Variants in PROB1 observed in about 807,000 individuals in gnomAD.
PROB1 encodes the protein proline rich basic protein 1, also known as proline-rich basic protein 1.
For missense variants in PROB1, 1,453 were observed against 1,485.7 expected (o/e 0.98, Z 0.36); for synonymous variants, 660 against 699.3 (o/e 0.94, Z 0.89).
At position 139,393,436 on chromosome 5, in the gene PROB1, G is replaced by A; in HGVS notation, c.1646C>T (p.Pro549Leu). Reference protein sequence around the residue: ...NGLTQEELAPPTPSAPGTPEP... With the variant: ...NGLTQEELAPLTPSAPGTPEP... ...TGGAGTGCCGGGTGCGGACGGTGTA[G>A]GCGGTGCCAACTCCTCCTGAGTTAA... Residue 549 changes from proline to leucine, a missense_variant, in exon 1 of 1, where the codon CCT becomes CTT. Coordinates refer to ENST00000434752, the MANE Select transcript of PROB1 (RefSeq NM_001161546.2). 1 of 1,551,696 alleles carries A rather than the reference G, an allele frequency of 6.4e-7. No individual in the cohort carries two copies. The highest frequency in any genetic ancestry group is 8.7e-7 in the Non-Finnish European group (1 of 1,147,000).
Position 139,393,361 on chromosome 5 carries a change from G to T in PROB1, c.1721C>A (p.Ala574Asp). 1.3e-6 allele frequency: 2 copies of T among 1,551,498 alleles called. No homozygotes were observed. Among genetic ancestry groups the T allele is most frequent in the Non-Finnish European group, 1.7e-6 (2 of 1,146,986 alleles). ...SPSTREISDL[A>D]FGGSQQSPEV... The stretch of plus-strand genomic sequence containing the variant: ...TGGGGACTGCTGACTCCCTCCAAAG[G>T]CAAGATCTGAAATTTCCCGCGTGGA... Residue 574 changes from alanine to aspartate, a missense_variant, in exon 1 of 1, where the codon GCC (alanine) becomes GAC (aspartate). Physicochemically the swap from Ala to Asp is moderately radical, Grantham distance 126. Coordinates refer to ENST00000434752, the MANE Select transcript of PROB1 (RefSeq NM_001161546.2).
Position 139,394,512 on chromosome 5 carries a change from C to G in PROB1, c.570G>C (p.Glu190Asp). The G allele has an allele frequency of 6.9e-7, 1 of 1,448,490 alleles. No homozygotes were observed. Among genetic ancestry groups the G allele is most frequent in the South Asian group, 1.4e-5 (1 of 70,084 alleles). 89.7% of individuals were successfully genotyped at this position (1,448,490 alleles called of 1,614,324 possible). ...GCGCGGCGCCCTCCTCCAGAGCCAC[C>G]TCCACACACTCGAACTGCGCTGGGG... ...PAAPAQFECV[E>D]VALEEGAAPA... Residue 190 changes from glutamate (E) to aspartate (D), a missense_variant, in exon 1 of 1, where the codon GAG (glutamate) becomes GAC (aspartate). Physicochemically the swap from Glu to Asp is conservative, Grantham distance 45. Coordinates refer to ENST00000434752, the MANE Select transcript of PROB1 (RefSeq NM_001161546.2).
At position 139,392,971 on chromosome 5, in the gene PROB1, G is replaced by C; in HGVS notation, c.2111C>G (p.Thr704Arg). 1 of 1,504,540 alleles carries C rather than the reference G, an allele frequency of 6.6e-7. No homozygotes were observed. Among genetic ancestry groups the C allele is most frequent in the Non-Finnish European group, 8.9e-7 (1 of 1,123,052 alleles). 93.2% of individuals were successfully genotyped at this position (1,504,540 alleles called of 1,614,324 possible). Residue 704 changes from threonine to arginine, a missense_variant, in exon 1 of 1, where the codon ACG (threonine) becomes AGG (arginine). By Grantham distance (71) the Thr-to-Arg change is moderately conservative. Transcript: ENST00000434752. The surrounding 1 kb of genome is among the most constrained non-coding windows in gnomAD (Gnocchi z 5.8). ...GGGCTGTGAGGCGTCCCGGGCGACC[G>C]TGTCGAAGGACGGTTCAGGAGGCTC... ...PYEPPEPSFDTVARDASQPNG... is the reference protein window; with the variant it reads ...PYEPPEPSFDRVARDASQPNG...
chr5:139,394,748 C>T lies in PROB1; in HGVS notation c.334G>A (p.Glu112Lys). 1 of 1,534,076 alleles carries T rather than the reference C, an allele frequency of 6.5e-7. No homozygotes were observed. Among genetic ancestry groups the T allele is most frequent in the Non-Finnish European group, 8.7e-7 (1 of 1,143,506 alleles). ...AGGGGTCCGACGCCGAAGATGACTTCCATCTCCCCCGACGGCAGCGTGCGC... is the reference window on the plus strand; with the variant it reads ...AGGGGTCCGACGCCGAAGATGACTTTCATCTCCCCCGACGGCAGCGTGCGC... Reference protein sequence around the residue: ...QLRTLPSGEMEVIFGVGPLFG... With the variant: ...QLRTLPSGEMKVIFGVGPLFG... Residue 112 changes from glutamate (E) to lysine (K), a missense_variant, in exon 1 of 1, where the codon GAA becomes AAA. Glu to Lys is a moderately conservative substitution (Grantham distance 56). Transcript: ENST00000434752.
chr5:139,392,121 G>A lies in PROB1; in HGVS notation c.2961C>T (p.Pro987=). ...GTYYLPVSGT[P]NPAPPLLLCA... is the part of the protein sequence containing the mutation. ...AGAGGAGCAGAGGAGGTGCGGGGTT[G>A]GGGGTCCCGCTCACCGGCAGGTAGT... Residue 987 remains proline (P), a synonymous_variant, in exon 1 of 1, where the codon CCC becomes CCT. Transcript: ENST00000434752. This position sits in a 1 kb window ranked among gnomAD's most constrained non-coding sequence, Gnocchi z 5.8. The A allele has an allele frequency of 7.1e-7, 1 of 1,412,568 alleles. No individual in the cohort carries two copies. Among genetic ancestry groups the A allele is most frequent in the Non-Finnish European group, 9.3e-7 (1 of 1,079,080 alleles). The allele number at this position is 1,412,568 out of a possible 1,614,324, so 87.5% of individuals were successfully genotyped here. A position where few individuals can be genotyped will look rare whatever the true frequency, so the allele number is the denominator to read the frequency against.
Position 139,394,096 on chromosome 5 carries a change from G to C in PROB1, c.986C>G (p.Ala329Gly). 5 of 1,549,860 alleles carry C rather than the reference G, an allele frequency of 3.2e-6. No individual in the cohort carries two copies. Among genetic ancestry groups the C allele is most frequent in the Non-Finnish European group, 4.4e-6 (5 of 1,146,456 alleles). The change falls in exon 1 of 1, where the codon GCG becomes GGG. Residue 329 changes from alanine to glycine, a missense_variant. By Grantham distance (60) the Ala-to-Gly change is moderately conservative (BLOSUM62 0). Transcript: ENST00000434752. ...AGGACCCAGCGGCTCCGTCCCGGGC[G>C]CAGGCTTGTCGCGCCGAATCGCGCG... ...RERAIRRDKP[A>G]PGTEPLGPVS...
rs1330866400 is a variant in PROB1 at position 139,394,874 on chromosome 5, G to T, written c.208C>A (p.Arg70Ser). The T allele has an allele frequency of 3.3e-6, 5 of 1,521,454 alleles. No homozygotes were observed. In the East Asian group the frequency reaches 1.3e-4, roughly 40 times the overall value. The allele number at this position is 1,521,454 out of a possible 1,614,324, so 94.2% of individuals were successfully genotyped here. A position where few individuals can be genotyped will look rare whatever the true frequency, so the allele number is the denominator to read the frequency against. The change falls in exon 1 of 1, where the codon CGC (arginine) becomes AGC (serine). Residue 70 changes from arginine to serine, a missense_variant. Physicochemically the swap from Arg to Ser is moderately radical, Grantham distance 110 (BLOSUM62 -1). Transcript: ENST00000434752. ...APGRGAGAQP[R>S]LSVSAQNSRQ... ...CTATTCTGGGCGCTGACGGACAGGC[G>T]AGGCTGCGCGCCCGCCCCCCGCCCA...
Position 139,394,392 on chromosome 5 carries a change from C to T in PROB1, c.690G>A (p.Leu230=). The part of the protein sequence containing the change: ...PRAAGAPRPR[L]LLRTGSLDES... ...CGTCCAGGGAACCGGTGCGCAGGAGCAGCCGGGGGCGCGGCGCGCCGGCCG... is the reference window on the plus strand; with the variant it reads ...CGTCCAGGGAACCGGTGCGCAGGAGTAGCCGGGGGCGCGGCGCGCCGGCCG... The change falls in exon 1 of 1, where the codon CTG becomes CTA. Residue 230 remains leucine (L), a synonymous_variant. Transcript: ENST00000434752. 7.2e-7 allele frequency: 1 copy of T among 1,393,138 alleles called. No individual in the cohort carries two copies. Among genetic ancestry groups the T allele is most frequent in the Non-Finnish European group, 9.2e-7 (1 of 1,081,956 alleles). 86.3% of individuals were successfully genotyped at this position (1,393,138 alleles called of 1,614,324 possible).
In PROB1 at chr5:139,392,935, A is replaced by T. The variant is rs1254774172; in HGVS notation, c.2147T>A (p.Leu716Gln). ...ARDASQPNGV[L>Q]RRRAENSTAK... ...CGTGCTGTTCTCTGCCCTCCGCCGC[A>T]GGACCCCGTTGGGCTGTGAGGCGTC... Residue 716 changes from leucine to glutamine, a missense_variant, in exon 1 of 1, where the codon CTG (leucine) becomes CAG (glutamine). Physicochemically the swap from Leu to Gln is moderately radical, Grantham distance 113 (BLOSUM62 -2). Transcript: ENST00000434752. The surrounding 1 kb of genome is among the most constrained non-coding windows in gnomAD (Gnocchi z 5.8). 1 of 1,522,364 alleles carries T rather than the reference A, an allele frequency of 6.6e-7. No individual in the cohort carries two copies. The highest frequency in any genetic ancestry group is 8.8e-7 in the Non-Finnish European group (1 of 1,130,532). 94.3% of individuals were successfully genotyped at this position (1,522,364 alleles called of 1,614,324 possible). A position where few individuals can be genotyped will look rare whatever the true frequency, so the allele number is the denominator to read the frequency against.
rs1318406713 is a variant in PROB1, at chr5:139,392,939, C to A, written c.2143G>T (p.Val715Phe). The A allele has an allele frequency of 6.6e-7, 1 of 1,516,432 alleles. No individual in the cohort carries two copies. Among genetic ancestry groups the A allele is most frequent in the Admixed American group, 2.2e-5 (1 of 45,550 alleles). 93.9% of individuals were successfully genotyped at this position (1,516,432 alleles called of 1,614,324 possible). ...CTGTTCTCTGCCCTCCGCCGCAGGA[C>A]CCCGTTGGGCTGTGAGGCGTCCCGG... is the stretch of plus-strand genomic sequence containing the variant. ...VARDASQPNG[V>F]LRRRAENSTA... Residue 715 changes from valine (V) to phenylalanine (F), a missense_variant, in exon 1 of 1, where the codon GTC becomes TTC. Transcript: ENST00000434752. The surrounding 1 kb of genome is among the most constrained non-coding windows in gnomAD (Gnocchi z 5.8).
Position 139,393,108 on chromosome 5 carries a change from C to G in PROB1, c.1974G>C (p.Glu658Asp), listed in dbSNP as rs898338915. ...LPAPPADPCG[E>D]EGGESKTQEP... ...CTTGCGTCTTGGATTCGCCGCCCTC[C>G]TCCCCGCAGGGGTCGGCAGGAGGCG... The change falls in exon 1 of 1, where the codon GAG (glutamate) becomes GAC (aspartate). Residue 658 changes from glutamate (E) to aspartate (D), a missense_variant. By Grantham distance (45) the Glu-to-Asp change is conservative. Transcript: ENST00000434752. 6.6e-7 allele frequency: 1 copy of G among 1,523,832 alleles called. No individual in the cohort carries two copies. Among genetic ancestry groups the G allele is most frequent in the African/African-American group, 1.4e-5 (1 of 72,070 alleles). 94.4% of individuals were successfully genotyped at this position (1,523,832 alleles called of 1,614,324 possible). A position where few individuals can be genotyped will look rare whatever the true frequency, so the allele number is the denominator to read the frequency against.
Position 139,392,756 on chromosome 5 carries a change from T to C in PROB1, c.2326A>G (p.Thr776Ala). Residue 776 changes from threonine to alanine, a missense_variant, in exon 1 of 1, where the codon ACC becomes GCC. Thr to Ala is a moderately conservative substitution (Grantham distance 58). Transcript: ENST00000434752. This position sits in a 1 kb window ranked among gnomAD's most constrained non-coding sequence, Gnocchi z 5.8. ...CTGCGGGCGCCGCCTAGAGGGCTGG[T>C]CCGACCGTCGCCGTCGGGGACCAGG... ...QRLVPDGDGR[T>A]SPLGGARSSS... The C allele has an allele frequency of 1.4e-6, 2 of 1,436,120 alleles. No individual in the cohort carries two copies. The highest frequency in any genetic ancestry group is 1.8e-6 in the Non-Finnish European group (2 of 1,092,340). 89.0% of individuals were successfully genotyped at this position (1,436,120 alleles called of 1,614,324 possible).
At position 139,392,768 on chromosome 5, in the gene PROB1, C is replaced by G; in HGVS notation, c.2314G>C (p.Gly772Arg). ...DVEAQRLVPD[G>R]DGRTSPLGGA... ...CCTAGAGGGCTGGTCCGACCGTCGC[C>G]GTCGGGGACCAGGCGCTGGGCCTCT... The change falls in exon 1 of 1, where the codon GGC (glycine) becomes CGC (arginine). Residue 772 changes from glycine (G) to arginine (R), a missense_variant. By Grantham distance (125) the Gly-to-Arg change is moderately radical. Coordinates refer to ENST00000434752, the MANE Select transcript of PROB1 (RefSeq NM_001161546.2). The surrounding 1 kb of genome is among the most constrained non-coding windows in gnomAD (Gnocchi z 5.8). 1 of 1,438,264 alleles carries G rather than the reference C, an allele frequency of 7.0e-7. No homozygotes were observed. Among genetic ancestry groups the G allele is most frequent in the South Asian group, 1.5e-5 (1 of 67,808 alleles). 89.1% of individuals were successfully genotyped at this position (1,438,264 alleles called of 1,614,324 possible). A position where few individuals can be genotyped will look rare whatever the true frequency, so the allele number is the denominator to read the frequency against.
In PROB1 at chr5:139,394,008, G is replaced by C. The variant is rs778877834; in HGVS notation, c.1074C>G (p.Phe358Leu). Residue 358 changes from phenylalanine (F) to leucine (L), a missense_variant, in exon 1 of 1, where the codon TTC (phenylalanine) becomes TTG (leucine). Phe to Leu is a conservative substitution (Grantham distance 22). Coordinates refer to ENST00000434752, the MANE Select transcript of PROB1 (RefSeq NM_001161546.2). ...EKIQEARKTR[F>L]PREAPDRTVQ... ...CAGTTCGATCCGGCGCCTCTCGCGG[G>C]AACCGAGTCTTCCGCGCCTCCTGGA... The C allele has an allele frequency of 5.8e-6, 9 of 1,550,644 alleles. 1 individual carries two copies. The South Asian group carries it at 1.1e-4, about 18-fold the overall frequency.
chr5:139,392,989 G>T lies in PROB1; in HGVS notation c.2093C>A (p.Pro698His), dbSNP rs1449484820. 1.3e-5 allele frequency: 19 copies of T among 1,518,716 alleles called. No homozygotes were observed. The highest frequency in any genetic ancestry group is 1.7e-5 in the Non-Finnish European group (19 of 1,130,974). The allele number at this position is 1,518,716 out of a possible 1,614,324, so 94.1% of individuals were successfully genotyped here. Residue 698 changes from proline to histidine, a missense_variant, in exon 1 of 1, where the codon CCT (proline) becomes CAT (histidine). Coordinates refer to ENST00000434752, the MANE Select transcript of PROB1 (RefSeq NM_001161546.2). This position sits in a 1 kb window ranked among gnomAD's most constrained non-coding sequence, Gnocchi z 5.8. The part of the protein sequence containing the change: ...LPVVPHPYEP[P>H]EPSFDTVARD... ...GGCGACCGTGTCGAAGGACGGTTCA[G>T]GAGGCTCGTAGGGGTGCGGCACCAC...
In PROB1 at chr5:139,394,261, G is replaced by A. The variant is rs750520103; in HGVS notation, c.821C>T (p.Thr274Met). The A allele has an allele frequency of 3.9e-6, 6 of 1,544,758 alleles. No homozygotes were observed. The highest frequency in any genetic ancestry group is 2.5e-5 in the East Asian group (1 of 40,744). ...PAPSSATFGS[T>M]GRSEPETRET... is the part of the protein sequence containing the mutation. ...CCGGGTCTCAGGTTCCGACCGCCCC[G>A]TGGACCCGAAGGTGGCGCTGCTCGG... Residue 274 changes from threonine to methionine, a missense_variant, in exon 1 of 1, where the codon ACG (threonine) becomes ATG (methionine). Transcript: ENST00000434752.
rs1758606835 is a variant in PROB1, at chr5:139,392,031, G to A, written c.*3C>T. 2 of 1,389,738 alleles carry A rather than the reference G, an allele frequency of 1.4e-6. No homozygotes were observed. Among genetic ancestry groups the A allele is most frequent in the Admixed American group, 3.5e-5 (1 of 28,702 alleles). 86.1% of individuals were successfully genotyped at this position (1,389,738 alleles called of 1,614,324 possible). A position where few individuals can be genotyped will look rare whatever the true frequency, so the allele number is the denominator to read the frequency against. On this transcript the variant is annotated 3_prime_UTR_variant, in exon 1 of 1. Transcript: ENST00000434752. This position sits in a 1 kb window ranked among gnomAD's most constrained non-coding sequence, Gnocchi z 5.8. ...CCAACTCCATGGGGATCGGCCCGGG[G>A]CCTCACAGCGGGAACAATGAACCCT...
Position 139,394,995 on chromosome 5 carries a change from A to G in PROB1, c.87T>C (p.Gly29=), listed in dbSNP as rs1439419916. Residue 29 remains glycine (G), a synonymous_variant, in exon 1 of 1, where the codon GGT becomes GGC. Transcript: ENST00000434752. The part of the protein sequence containing the change: ...TAPARRQDSS[G]SSGSYYTAPG... The stretch of plus-strand genomic sequence containing the variant: ...GAGCCGTGTAGTAGGAGCCTGACGA[A>G]CCGGAGGAGTCCTGGCGCCGCGCGG... The G allele has an allele frequency of 4.7e-6, 7 of 1,495,826 alleles. No homozygotes were observed. Among genetic ancestry groups the G allele is most frequent in the Non-Finnish European group, 6.2e-6 (7 of 1,125,262 alleles). 92.7% of individuals were successfully genotyped at this position (1,495,826 alleles called of 1,614,324 possible). A position where few individuals can be genotyped will look rare whatever the true frequency, so the allele number is the denominator to read the frequency against.
At position 139,394,957 on chromosome 5, in the gene PROB1, T is replaced by C; in HGVS notation, c.125A>G (p.Glu42Gly). 1 of 1,521,608 alleles carries C rather than the reference T, an allele frequency of 6.6e-7. No individual in the cohort carries two copies. Among genetic ancestry groups the C allele is most frequent in the Non-Finnish European group, 8.8e-7 (1 of 1,135,894 alleles). The allele number at this position is 1,521,608 out of a possible 1,614,324, so 94.3% of individuals were successfully genotyped here. The change falls in exon 1 of 1, where the codon GAG becomes GGG. Residue 42 changes from glutamate to glycine, a missense_variant. By Grantham distance (98) the Glu-to-Gly change is moderately conservative. Coordinates refer to ENST00000434752, the MANE Select transcript of PROB1 (RefSeq NM_001161546.2). ...CGCGTCCGGCCCAACGTCCGGGGGCTCCGGAGAACCTGGAGCCGTGTAGTA... is the reference window on the plus strand; with the variant it reads ...CGCGTCCGGCCCAACGTCCGGGGGCCCCGGAGAACCTGGAGCCGTGTAGTA... ...GSYYTAPGSP[E>G]PPDVGPDAKG...
Sources: allele counts gnomAD v4.1 joint callset, GRCh38; gene constraint gnomAD v4.1.1; non-coding constraint Gnocchi (gnomAD v3.1); transcripts MANE v1.5; gene names NCBI Gene and HGNC (gene_info 2026-07-23, HGNC 2026-07-21).